SLC30A4: variants seen among roughly 807,000 people sequenced by gnomAD.
SLC30A4 encodes the protein solute carrier family 30 member 4, also known as probable proton-coupled zinc antiporter SLC30A4.
A neutral mutation model predicts 41.7 loss-of-function variants in SLC30A4; 20 were observed. The ratio of observed to expected loss-of-function variants is 0.48; its 90% CI spans 0.34 to 0.70. SLC30A4 has a LOEUF of 0.70. Among genes scored for constraint, SLC30A4 ranks in the 30% least tolerant of loss-of-function variants. The pLI, the probability that SLC30A4 is intolerant of heterozygous loss-of-function variation, is 0.01. For missense variants in SLC30A4, 441 were observed against 529.3 expected (o/e 0.83, Z 1.64); for synonymous variants, 181 against 195.9 (o/e 0.92, Z 0.64).
intron 3 of SLC30A4, among the ~76,000 whole-genome samples, chr15:45,493,092 C>T (rs1891842174): frequency 1.3e-5 from 2 of 151,870 alleles, no homozygotes; most frequent in Admixed American, 1.3e-4. Context: ...ACCAACATGG[C>T]AAAAGCCCGT....
chr15:45,507,222 A>G (rs891049537), intron 3 of SLC30A4, among the ~76,000 whole-genome samples: 2 of 152,026 alleles, frequency 1.3e-5, no homozygotes, highest in African/African-American at 4.8e-5. Flanking sequence ...CTGGAGGCTG[A>G]GGCAGGAGAA....
At chr15:45,487,766 T>C (rs1891731918) in intron 5 of SLC30A4, 134 bp from the exon 6 acceptor site, 5 of 557,630 alleles carry the variant, frequency 9.0e-6, no homozygotes, top group East Asian at 8.3e-5. Context: ...AACTTGGATA[T>C]TGTAATTGAA....
intron 3 of SLC30A4, among the ~76,000 whole-genome samples, chr15:45,491,214 T>C (rs1186270785): frequency 6.6e-6 from 1 of 152,060 alleles, no homozygotes; most frequent in Non-Finnish European, 1.5e-5. Context: ...AAAATGTGTT[T>C]AGCACTTACA....
At chr15:45,488,287 A>T (rs926629325) in intron 5 of SLC30A4, among the ~76,000 whole-genome samples, 3 of 152,132 alleles carry the variant, frequency 2.0e-5, no homozygotes, top group African/African-American at 7.2e-5. Flanking sequence ...AAATTGAGTT[A>T]TCTGGGCAAT....
intron 3 of SLC30A4, chr15:45,502,531 G>C (rs970175639): frequency 6.6e-6 from 1 of 152,126 alleles, no homozygotes; most frequent in East Asian, 1.9e-4. Context: ...GACCACAGGT[G>C]TGTGCCACCA....
intron 4 of SLC30A4, among the ~76,000 whole-genome samples, chr15:45,490,328 A>T (rs1456439022): frequency 6.6e-6 from 1 of 152,172 alleles, no homozygotes; most frequent in Non-Finnish European, 1.5e-5. Context: ...AGCGCAAGTG[A>T]TCTTCCCACC....
At chr15:45,493,091 G>A (rs1429163488) in intron 3 of SLC30A4, among the ~76,000 whole-genome samples, 1 of 152,110 alleles carries the variant, frequency 6.6e-6, no homozygotes, top group Non-Finnish European at 1.5e-5. Flanking sequence ...GACCAACATG[G>A]CAAAAGCCCG....
At chr15:45,511,342 A>G in intron 2 of SLC30A4, 58 bp from the exon 3 acceptor site, 1 of 1,281,390 alleles carries the variant, frequency 7.8e-7, no homozygotes, top group East Asian at 2.4e-5. Flanking sequence ...AAAGCAAGCA[A>G]TCAAACTAGA....
intron 3 of SLC30A4, among the ~76,000 whole-genome samples, chr15:45,501,301 C>T (rs1235596473): frequency 6.6e-6 from 1 of 151,678 alleles, no homozygotes; most frequent in Non-Finnish European, 1.5e-5. Context: ...GAGCGAAACT[C>T]CATCTCAAAA....
chr15:45,519,979 G>C (rs982048049), intron 2 of SLC30A4, among the ~76,000 whole-genome samples: 2 of 152,192 alleles, frequency 1.3e-5, no homozygotes, highest in South Asian at 4.1e-4. Context: ...TTTCTTTACA[G>C]CTCAAGCATT....
At chr15:45,494,881 G>T (rs1469138087) in intron 3 of SLC30A4, among the ~76,000 whole-genome samples, 1 of 152,006 alleles carries the variant, frequency 6.6e-6, no homozygotes, top group African/African-American at 2.4e-5. Context: ...AAATTATAAA[G>T]CACGTGGTGG....
At chr15:45,495,664 G>A (rs570060632) in intron 3 of SLC30A4, among the ~76,000 whole-genome samples, 4 of 152,264 alleles carry the variant, frequency 2.6e-5, no homozygotes, top group South Asian at 4.1e-4. Context: ...CAAACACAGC[G>A]CATGAACAGA....
chr15:45,500,732 G>C (rs371297277), intron 3 of SLC30A4, among the ~76,000 whole-genome samples: 19 of 151,562 alleles, frequency 1.3e-4, no homozygotes, highest in African/African-American at 4.6e-4. Flanking sequence ...GCCCAGGCTG[G>C]AATGCAATGG....
At chr15:45,511,027 T>G in intron 3 of SLC30A4, 111 bp downstream of exon 3, 1 of 835,956 alleles carries the variant, frequency 1.2e-6, no homozygotes, top group South Asian at 2.1e-5. Context: ...CTATTTTCAT[T>G]TGCTTTGTTC....
At chr15:45,503,421 A>C (rs917375071) in intron 3 of SLC30A4, among the ~76,000 whole-genome samples, 3 of 152,022 alleles carry the variant, frequency 2.0e-5, no homozygotes, top group African/African-American at 7.2e-5. Context: ...GTTCGAGACC[A>C]GCATGGCCAA....
intron 3 of SLC30A4, among the ~76,000 whole-genome samples, chr15:45,503,704 T>C (rs925564692): frequency 1.2e-4 from 18 of 149,126 alleles, no homozygotes; most frequent in African/African-American, 4.0e-4. Context: ...CTTTGGGAGG[T>C]GGGAGGCCGA....
intron 2 of SLC30A4, among the ~76,000 whole-genome samples, chr15:45,511,611 G>A (rs1323699969): frequency 6.6e-6 from 1 of 152,100 alleles, no homozygotes; most frequent in Non-Finnish European, 1.5e-5. Flanking sequence ...AGCCTCCCGA[G>A]TAGCTGGGAC....
chr15:45,513,876 G>C (rs1034654110), intron 2 of SLC30A4: 1 of 152,178 alleles, frequency 6.6e-6, no homozygotes, highest in Non-Finnish European at 1.5e-5. Flanking sequence ...TTATTTGACT[G>C]GACACTTGAA....
At chr15:45,499,588 C>A (rs748846123) in intron 3 of SLC30A4, among the ~76,000 whole-genome samples, 3 of 152,074 alleles carry the variant, frequency 2.0e-5, no homozygotes, top group Admixed American at 6.6e-5. Context: ...AGCAAGCAAG[C>A]GGGTGGAGCC....
Sources: gnomAD v4.1 joint callset for allele counts (sites outside exome capture counted in the v4.1 genomes callset) on GRCh38, gnomAD v4.1.1 for gene constraint, MANE v1.5 for transcripts, NCBI Gene and HGNC (gene_info 2026-07-23, HGNC 2026-07-21) for gene names.